DENND4C: variants seen among roughly 807,000 people sequenced by gnomAD.
DENND4C encodes the protein DENN domain containing 4C, also known as DENN domain-containing protein 4C.
A neutral mutation model predicts 203.0 loss-of-function variants in DENND4C; 108 were observed. The ratio of observed to expected loss-of-function variants is 0.53; its 90% confidence interval spans 0.46 to 0.62. The LOEUF (loss-of-function observed/expected upper bound fraction) is 0.62. Ranked by LOEUF, DENND4C falls within the 20% of genes least tolerant of loss-of-function variation. DENND4C has a pLI of 0.00. For synonymous variants in DENND4C, 871 were observed against 792.4 expected (o/e 1.10, Z -1.67); for missense variants, 2,481 against 2,301.2 (o/e 1.08, Z -1.60).
intron 1 of DENND4C, among the ~76,000 whole-genome samples, chr9:19,262,524 C>T (rs961665739): frequency 2.0e-5 from 3 of 151,116 alleles, no homozygotes; most frequent in African/African-American, 7.4e-5. Flanking sequence ...CCCCACCTCC[C>T]AGGTTCACAT....
At chr9:19,334,635 C>T (rs992660905) in intron 17 of DENND4C, among the ~76,000 whole-genome samples, 2 of 150,650 alleles carry the variant, frequency 1.3e-5, no homozygotes, top group Non-Finnish European at 2.9e-5. Flanking sequence ...AAGCGATTCT[C>T]GTGCCTCAGC....
chr9:19,291,851 A>G (rs1339958788), intron 5 of DENND4C, among the ~76,000 whole-genome samples: 2 of 152,332 alleles, frequency 1.3e-5, no homozygotes, highest in South Asian at 2.1e-4. Flanking sequence ...AGAAGGTCTA[A>G]TAGATATTTA....
chr9:19,248,941 C>T (rs1825901150), intron 1 of DENND4C, among the ~76,000 whole-genome samples: 1 of 151,888 alleles, frequency 6.6e-6, no homozygotes, highest in South Asian at 2.1e-4. Flanking sequence ...CAGGCGTGAG[C>T]CACTACGGCC....
chr9:19,325,181 A>G (rs1487847899), intron 13 of DENND4C, among the ~76,000 whole-genome samples: 3 of 152,070 alleles, frequency 2.0e-5, no homozygotes, highest in Admixed American at 2.0e-4. Context: ...TTTATGGGTA[A>G]TAGAAGTTCT....
At position 19,336,488 on chromosome 9, in the gene DENND4C, T is replaced by C. The variant is rs563682241; in HGVS notation, c.2734+74T>C. On this transcript the variant is annotated intron_variant, in intron 19 of 32. Coordinates refer to ENST00000434457, the MANE Select transcript of DENND4C (RefSeq NM_001330640.2). ...ATAGGCATATGAATTTTTAGCTATG[T>C]GAAGTAGAAAACTTAAATTCCGGTA... 65 of 1,511,652 alleles carry C rather than the reference T, an allele frequency of 4.3e-5. No individual in the cohort carries two copies. In the South Asian group the frequency reaches 7.1e-4, roughly 17 times the overall value. 93.6% of individuals were successfully genotyped at this position (1,511,652 alleles called of 1,614,324 possible).
chr9:19,319,337 CACATATAT>C (rs1842412584), intron 12 of DENND4C, among the ~76,000 whole-genome samples: 1 of 71,486 alleles, frequency 1.4e-5, no homozygotes, highest in Non-Finnish European at 2.9e-5. Context: ...CATATATATA[CACATATAT>C]ATATACTTAT....
chr9:19,336,639 G>C (rs897243327), intron 19 of DENND4C, 47 bp from the exon 20 acceptor site: 10 of 1,522,694 alleles, frequency 6.6e-6, no homozygotes, highest in African/African-American at 2.8e-5. Context: ...TAGTTTAAGA[G>C]ATTATCAATG....
intron 2 of DENND4C, among the ~76,000 whole-genome samples, chr9:19,280,463 G>T (rs1833830819): frequency 1.3e-5 from 2 of 152,094 alleles, no homozygotes. Flanking sequence ...CTTTTCCTTT[G>T]AGAAGAAGAA....
intron 23 of DENND4C, among the ~76,000 whole-genome samples, chr9:19,350,107 A>C (rs1039848513): frequency 7.9e-5 from 12 of 152,232 alleles, no homozygotes; most frequent in African/African-American, 2.7e-4. Context: ...TAAAGCTTCA[A>C]CAATCACCTA....
At chr9:19,290,930 A>T in intron 5 of DENND4C, 54 bp downstream of exon 5, 1 of 1,539,232 alleles carries the variant, frequency 6.5e-7, no homozygotes, top group Non-Finnish European at 8.9e-7. Context: ...TTATTTCATA[A>T]AAAGGTTAAT....
Position 19,276,193 on chromosome 9 carries a change from C to A in DENND4C, c.19C>A (p.Pro7Thr). The A allele has an allele frequency of 8.1e-7, 1 of 1,232,050 alleles. No individual in the cohort carries two copies. 76.3% of individuals were successfully genotyped at this position (1,232,050 alleles called of 1,614,324 possible). MIEDKG[P>T]RVTDYFVVAG... is the part of the protein sequence containing the mutation. The stretch of plus-strand genomic sequence containing the variant: ...AGCAGCCATGATAGAAGACAAAGGA[C>A]CAAGAGTGACAGACTACTTTGTCGT... The change falls in exon 2 of 33, where the codon CCA becomes ACA. Residue 7 changes from proline to threonine, a missense_variant. Physicochemically the swap from Pro to Thr is conservative, Grantham distance 38. This residue lies in a region of DENND4C where 187 missense variants were observed against 167.4 expected (regional missense o/e 1.12). Transcript: ENST00000434457.
Position 19,358,966 on chromosome 9 carries a change from A to C in DENND4C, c.5160+806A>C, listed in dbSNP as rs760466883. On this transcript the variant is annotated intron_variant, in intron 28 of 32. Coordinates refer to ENST00000434457, the MANE Select transcript of DENND4C (RefSeq NM_001330640.2). This position sits in a 1 kb window ranked among gnomAD's most constrained non-coding sequence, Gnocchi z 4.8. ...AGTAGCTATTAATGCCTTAATGCCT[A>C]GATAAAGTAATTCATTAGGAGCTAT... is the stretch of plus-strand genomic sequence containing the variant. Among the ~76,000 whole-genome samples, 69 of 151,944 alleles carry C rather than the reference A, an allele frequency of 4.5e-4. No individual in the cohort carries two copies. Among genetic ancestry groups the C allele is most frequent in the South Asian group, 8.3e-4 (4 of 4,826 alleles).
chr9:19,326,883 T>G (rs957591686), intron 15 of DENND4C, among the ~76,000 whole-genome samples: 4 of 152,150 alleles, frequency 2.6e-5, no homozygotes, highest in African/African-American at 9.6e-5. Context: ...TCATTTGTAA[T>G]GACCACATTG....
At chr9:19,240,799 T>G (rs1823486963) in intron 1 of DENND4C, among the ~76,000 whole-genome samples, 1 of 152,044 alleles carries the variant, frequency 6.6e-6, no homozygotes, top group Non-Finnish European at 1.5e-5. Context: ...AAACTGTGTC[T>G]CTACTAAAAA....
At chr9:19,272,400 A>G (rs879637938) in intron 1 of DENND4C, among the ~76,000 whole-genome samples, 1 of 151,988 alleles carries the variant, frequency 6.6e-6, no homozygotes, top group Non-Finnish European at 1.5e-5. Context: ...CGCCTGGGCA[A>G]CAAGAACGAA....
Position 19,300,254 on chromosome 9 carries a change from G to C in DENND4C, c.1234G>C (p.Val412Leu). Reference sequence around the variant, plus strand: ...GAATTGTGCAACACTGCTGCTCTTTGTTTTACTTGAGAGTAAAATTCTGCT... The same window carrying C: ...GAATTGTGCAACACTGCTGCTCTTTCTTTTACTTGAGAGTAAAATTCTGCT... The part of the protein sequence containing the change: ...PENCATLLLF[V>L]LLESKILLHS... Residue 412 changes from valine to leucine, a missense_variant, in exon 9 of 33, where the codon GTT becomes CTT. Around this residue, in one of 3 missense-constraint regions of DENND4C, gnomAD observed 2,289 missense variants for 2,113.3 expected, o/e 1.08. Transcript: ENST00000434457. 2 of 1,612,490 alleles carry C rather than the reference G, an allele frequency of 1.2e-6. No individual in the cohort carries two copies. Among genetic ancestry groups the C allele is most frequent in the East Asian group, 2.2e-5 (1 of 44,842 alleles).
chr9:19,353,483 C>G (rs1187961650), intron 26 of DENND4C, among the ~76,000 whole-genome samples: 2 of 151,538 alleles, frequency 1.3e-5, no homozygotes, highest in African/African-American at 4.9e-5. Flanking sequence ...AAAAGATTAG[C>G]CAGGTGTGGC....
intron 1 of DENND4C, among the ~76,000 whole-genome samples, chr9:19,248,240 C>A (rs934745375): frequency 2.6e-5 from 4 of 152,198 alleles, no homozygotes; most frequent in African/African-American, 7.2e-5. Context: ...GCTCAAGAGC[C>A]ACTGGCCTTG....
intron 1 of DENND4C, among the ~76,000 whole-genome samples, chr9:19,257,013 T>C (rs1828140795): frequency 6.7e-6 from 1 of 148,936 alleles, no homozygotes; most frequent in Admixed American, 6.8e-5. Context: ...GAGGTTGCAG[T>C]GAGCCGAGAT....
Sources: allele counts gnomAD v4.1 joint callset (sites outside exome capture counted in the v4.1 genomes callset), GRCh38; gene constraint gnomAD v4.1.1; regional missense constraint gnomAD v4.1.1; non-coding constraint Gnocchi (gnomAD v3.1); transcripts MANE v1.5; gene names NCBI Gene and HGNC (gene_info 2026-07-23, HGNC 2026-07-21).